Variants in SLC25A53 observed in about 807,000 individuals in gnomAD.
SLC25A53 encodes the protein solute carrier family 25 member 53, also known as mitochondrial carrier triple repeat protein 6.
In SLC25A53, 5 loss-of-function variants were observed where a neutral mutation model predicts 15.0. The ratio of observed to expected loss-of-function variants is 0.33; its 90% CI spans 0.17 to 0.70. SLC25A53 has a LOEUF of 0.70. SLC25A53 is among the 30% of genes least tolerant of loss of function. The pLI is 0.67. For missense variants in SLC25A53, 216 were observed against 241.6 expected (o/e 0.89, Z 0.70); for synonymous variants, 95 against 100.0 (o/e 0.95, Z 0.30).
At chrX:104,134,040 G>A (rs1239346737) in intron 1 of SLC25A53, among the ~76,000 whole-genome samples, 1 of 112,102 alleles carries the variant, frequency 8.9e-6, no homozygotes, top group Non-Finnish European at 1.9e-5. Context: ...CAGGTACTAT[G>A]ATTGGAAGCT....
intron 1 of SLC25A53, among the ~76,000 whole-genome samples, chrX:104,140,218 G>A (rs2075447460): frequency 9.0e-6 from 1 of 111,185 alleles, no homozygotes; most frequent in South Asian, 3.8e-4. Flanking sequence ...GACCTCCCAA[G>A]CTCAAGAAGC....
chrX:104,135,690 C>T (rs782627753), intron 1 of SLC25A53, among the ~76,000 whole-genome samples: 22 of 110,990 alleles, frequency 2.0e-4, no homozygotes, highest in Non-Finnish European at 3.4e-4. Flanking sequence ...CCACCTCCAG[C>T]GAAAAACTCA....
chrX:104,109,916 G>T (rs1174187798), intron 1 of SLC25A53, among the ~76,000 whole-genome samples: 2 of 111,885 alleles, frequency 1.8e-5, no homozygotes, highest in African/African-American at 6.5e-5. Context: ...AGGTTTATTT[G>T]TTGAAATTAG....
intron 1 of SLC25A53, chrX:104,114,662 T>C (rs781898885): frequency 8.3e-7 from 1 of 1,210,483 alleles, no homozygotes; most frequent in Non-Finnish European, 1.1e-6. Flanking sequence ...GGCGCTGAGC[T>C]GAATAGGGAC....
chrX:104,121,561 T>TA (rs1556362712), intron 1 of SLC25A53, among the ~76,000 whole-genome samples: 1 of 110,539 alleles, frequency 9.0e-6, no homozygotes, highest in African/African-American at 3.3e-5. Context: ...CCTCATCTCT[T>TA]AAACTTGCTG....
chrX:104,100,379 A>T lies in SLC25A53; in HGVS notation c.*3955T>A, dbSNP rs1300457216. 8.9e-6 allele frequency: 1 copy of T among 111,746 alleles called. No individual in the cohort carries two copies. The highest frequency in any genetic ancestry group is 1.9e-5 in the Non-Finnish European group (1 of 53,133). The allele number at this position is 111,746 out of a possible 1,213,427, so 9.2% of individuals were successfully genotyped here. A position where few individuals can be genotyped will look rare whatever the true frequency, so the allele number is the denominator to read the frequency against. ...ATATTTTATGTGTTTAAACAGATAT[A>T]GATATTTATTACCTCCTTATTTTAT... On this transcript the variant is annotated 3_prime_UTR_variant, in exon 2 of 2. Coordinates refer to ENST00000594199, the MANE Select transcript of SLC25A53 (RefSeq NM_001012755.5).
chrX:104,114,487 A>T, intron 1 of SLC25A53: 1 of 1,211,897 alleles, frequency 8.3e-7, no homozygotes, highest in Non-Finnish European at 1.1e-6. Context: ...GGAGTCTGAA[A>T]GCAGTGTGAC....
intron 1 of SLC25A53, among the ~76,000 whole-genome samples, chrX:104,152,926 A>G (rs1291868714): frequency 9.0e-6 from 1 of 111,568 alleles, no homozygotes; most frequent in Non-Finnish European, 1.9e-5. Context: ...TTTGGGATGA[A>G]GCATTGACAA....
At chrX:104,156,547 T>A (rs894660888) in intron 1 of SLC25A53, among the ~76,000 whole-genome samples, 3 of 111,142 alleles carry the variant, frequency 2.7e-5, no homozygotes, top group Non-Finnish European at 5.7e-5. Context: ...GTGACTCAGA[T>A]GTACTGGTGC....
At chrX:104,118,856 G>T (rs1556362090) in intron 1 of SLC25A53, among the ~76,000 whole-genome samples, 1 of 112,495 alleles carries the variant, frequency 8.9e-6, no homozygotes, top group Non-Finnish European at 1.9e-5. Context: ...ATAGCAGCAA[G>T]TGGCTTGTGC....
intron 1 of SLC25A53, among the ~76,000 whole-genome samples, chrX:104,138,019 G>A (rs948264655): frequency 1.8e-5 from 2 of 112,134 alleles, no homozygotes; most frequent in African/African-American, 6.5e-5. Flanking sequence ...ATTTCAGAAC[G>A]CATTCAAAAA....
At position 104,125,522 on chromosome X, in the gene SLC25A53, G is replaced by C. The variant is rs187885220; in HGVS notation, c.-31-20234C>G. ...TGCTTATGGTACCCCTACTGTGTCT[G>C]GCAGTCTCTTTGGTGCTTTACTTGA... is the stretch of plus-strand genomic sequence containing the variant. On this transcript the variant is annotated intron_variant, in intron 1 of 1. Coordinates refer to ENST00000594199, the MANE Select transcript of SLC25A53 (RefSeq NM_001012755.5). Among the ~76,000 whole-genome samples, 18 of 111,768 alleles carry C rather than the reference G, an allele frequency of 1.6e-4. No homozygotes were observed. In the East Asian group the frequency reaches 5.1e-3, roughly 31 times the overall value.
At chrX:104,156,580 C>T (rs2075501992) in intron 1 of SLC25A53, among the ~76,000 whole-genome samples, 1 of 110,777 alleles carries the variant, frequency 9.0e-6, no homozygotes, top group South Asian at 3.8e-4. Context: ...ACGTTTTCGC[C>T]CTGATTTTAT....
At position 104,112,518 on chromosome X, in the gene SLC25A53, G is replaced by A. The variant is rs782440597; in HGVS notation, c.-31-7230C>T. ...GCTGATTGGCCGCGTCGCCCGGCCC[G>A]TCACGCTCTTTTGTCTCAGTCGCCA... On this transcript the variant is annotated intron_variant, in intron 1 of 1. Transcript: ENST00000594199. 3.5e-5 allele frequency: 4 copies of A among 113,864 alleles called. No homozygotes were observed. In the East Asian group the frequency reaches 1.1e-3, roughly 32 times the overall value. 9.4% of individuals were successfully genotyped at this position (113,864 alleles called of 1,213,427 possible). A position where few individuals can be genotyped will look rare whatever the true frequency, so the allele number is the denominator to read the frequency against.
intron 1 of SLC25A53, among the ~76,000 whole-genome samples, chrX:104,144,188 C>A (rs2147878962): frequency 8.9e-6 from 1 of 111,734 alleles, no homozygotes; most frequent in African/African-American, 3.2e-5. Context: ...GAAACTGCAT[C>A]AACTAACGGG....
chrX:104,121,657 T>C (rs1233462660), intron 1 of SLC25A53, among the ~76,000 whole-genome samples: 1 of 108,237 alleles, frequency 9.2e-6, no homozygotes, highest in African/African-American at 3.4e-5. Context: ...ACTCCCCAAA[T>C]TAAGTTTTCA....
At chrX:104,146,014 T>A (rs1556368739) in intron 1 of SLC25A53, among the ~76,000 whole-genome samples, 3 of 111,680 alleles carry the variant, frequency 2.7e-5, no homozygotes, top group African/African-American at 9.8e-5. Context: ...AAAAAGAGAA[T>A]TTCAGACCAA....
At chrX:104,143,528 T>C (rs2075457039) in intron 1 of SLC25A53, among the ~76,000 whole-genome samples, 1 of 110,855 alleles carries the variant, frequency 9.0e-6, no homozygotes, top group Admixed American at 9.6e-5. Flanking sequence ...CTTAATGAAA[T>C]AAAGCAAGAA....
At chrX:104,140,263 C>A (rs950677188) in intron 1 of SLC25A53, among the ~76,000 whole-genome samples, 14 of 110,563 alleles carry the variant, frequency 1.3e-4, no homozygotes, top group African/African-American at 4.6e-4. Context: ...GCAGCTGGGA[C>A]TACAGGCATG....
Sources: gnomAD v4.1 joint callset for allele counts (sites outside exome capture counted in the v4.1 genomes callset) on GRCh38, gnomAD v4.1.1 for gene constraint, MANE v1.5 for transcripts, NCBI Gene and HGNC (gene_info 2026-07-23, HGNC 2026-07-21) for gene names.